CACNA2D1: variants seen among roughly 807,000 people sequenced by gnomAD.
CACNA2D1 encodes the protein calcium voltage-gated channel auxiliary subunit alpha2delta 1, also known as voltage-dependent calcium channel subunit alpha-2/delta-1.
Under a neutral mutation model 171.5 loss-of-function variants are expected in CACNA2D1, and 53 were observed. The observed-to-expected ratio is 0.31, with a 90% CI of 0.25 to 0.39. The LOEUF is 0.39. CACNA2D1 is among the 10% of genes least tolerant of loss of function. The pLI is 1.00. For synonymous variants in CACNA2D1, 442 were observed against 443.1 expected (o/e 1.00, Z 0.03); for missense variants, 903 against 1,299.8 (o/e 0.69, Z 4.69).
At chr7:82,038,669 CTGAA>C (rs1412541605) in intron 10 of CACNA2D1, among the ~76,000 whole-genome samples, 2 of 152,190 alleles carry the variant, frequency 1.3e-5, no homozygotes, top group Admixed American at 6.5e-5. Flanking sequence ...AAGTAATACA[CTGAA>C]TAACATGAAT....
chr7:82,307,406 C>A (rs371032517), intron 3 of CACNA2D1, among the ~76,000 whole-genome samples: 8 of 151,852 alleles, frequency 5.3e-5, no homozygotes, highest in African/African-American at 1.4e-4. Flanking sequence ...ATCCTCCCGC[C>A]TCTGCCTCCC....
intron 1 of CACNA2D1, chr7:82,410,604 G>A: frequency 2.8e-6 from 2 of 713,954 alleles, no homozygotes; most frequent in South Asian, 1.3e-4. Context: ...CCTGTCAAGG[G>A]AGGCAGACTG....
At chr7:81,980,276 G>A (rs1199456927) in intron 24 of CACNA2D1, among the ~76,000 whole-genome samples, 1 of 150,458 alleles carries the variant, frequency 6.6e-6, no homozygotes, top group Non-Finnish European at 1.5e-5. Context: ...TTCCCTGACA[G>A]GGCCATGTAG....
chr7:82,235,827 A>G (rs957523879), intron 3 of CACNA2D1, among the ~76,000 whole-genome samples: 1 of 152,118 alleles, frequency 6.6e-6, no homozygotes, highest in Non-Finnish European at 1.5e-5. Flanking sequence ...ACAGAAGAGG[A>G]CAAGAATGGC....
rs59251549 is a variant in CACNA2D1, at chr7:82,088,649, G to A, written c.527-3749C>T. 8.1e-3 allele frequency among the ~76,000 whole-genome samples: 1,235 copies of A among 151,852 alleles called. 20 individuals carry two copies. Among genetic ancestry groups the A allele is most frequent in the African/African-American group, 0.028 (1,172 of 41,404 alleles). ...AAATTCCAGAATAAATTTTCTTTACGAAAAAACTTAAAATATTTTTGACCG... is the reference window on the plus strand; with the variant it reads ...AAATTCCAGAATAAATTTTCTTTACAAAAAAACTTAAAATATTTTTGACCG... On this transcript the variant is annotated intron_variant, in intron 6 of 38. Transcript: ENST00000356860.
rs778705394 is a variant in CACNA2D1 at position 82,354,000 on chromosome 7, A to G, written c.96-4351T>C. ...CACCAAGCAGACAATAAAGCCTAGGAAGATCACTGTCTGACCTTCTCCCTC... is the reference window on the plus strand; with the variant it reads ...CACCAAGCAGACAATAAAGCCTAGGGAGATCACTGTCTGACCTTCTCCCTC... On this transcript the variant is annotated intron_variant, in intron 1 of 38. Transcript: ENST00000356860. Among the ~76,000 whole-genome samples the G allele has an allele frequency of 2.3e-4, 35 of 152,180 alleles. No individual in the cohort carries two copies. In the Middle Eastern group the frequency reaches 0.01, roughly 44 times the overall value.
At chr7:82,099,381 ATTTTT>A (rs1812344757) in intron 6 of CACNA2D1, among the ~76,000 whole-genome samples, 1 of 121,944 alleles carries the variant, frequency 8.2e-6, no homozygotes, top group Non-Finnish European at 1.7e-5. Context: ...TTCTTTTTCT[ATTTTT>A]AAAATTACAT....
chr7:81,971,221 G>C (rs1258720547), intron 26 of CACNA2D1: 1 of 181,496 alleles, frequency 5.5e-6, no homozygotes, highest in Non-Finnish European at 1.2e-5. Flanking sequence ...TTAGATTCTG[G>C]CCAATATGAG....
chr7:82,001,565 G>A, intron 18 of CACNA2D1: 1 of 368,944 alleles, frequency 2.7e-6, no homozygotes, highest in Admixed American at 3.3e-5. Context: ...AGGAAAGGCA[G>A]CTTTAATTAT....
At chr7:82,167,190 G>T (rs1795542410) in intron 4 of CACNA2D1, among the ~76,000 whole-genome samples, 2 of 151,932 alleles carry the variant, frequency 1.3e-5, no homozygotes, top group Admixed American at 6.6e-5. Flanking sequence ...AAAGATAAAA[G>T]AATTATAAAG....
At chr7:82,095,516 C>T (rs1197730464) in intron 6 of CACNA2D1, among the ~76,000 whole-genome samples, 1 of 152,108 alleles carries the variant, frequency 6.6e-6, no homozygotes, top group Non-Finnish European at 1.5e-5. Flanking sequence ...TATACAATTG[C>T]ACAGACTTCT....
At chr7:82,198,757 C>T (rs370904640) in intron 3 of CACNA2D1, among the ~76,000 whole-genome samples, 3 of 151,394 alleles carry the variant, frequency 2.0e-5, no homozygotes, top group Non-Finnish European at 4.4e-5. Flanking sequence ...CCTAATAAAA[C>T]CTTAATCCTC....
rs188882280 is a variant in CACNA2D1 at position 82,078,235 on chromosome 7, C to T, written c.658+6534G>A. On this transcript the variant is annotated intron_variant, in intron 7 of 38. Coordinates refer to ENST00000356860, the MANE Select transcript of CACNA2D1 (RefSeq NM_000722.4). ...AATAAGACATTAAGTAAACGTCATA[C>T]GGAGATGAAGTAGATTTTTAGTTTT... is the stretch of plus-strand genomic sequence containing the variant. Among the ~76,000 whole-genome samples, 14 of 152,118 alleles carry T rather than the reference C, an allele frequency of 9.2e-5. No individual in the cohort carries two copies. The East Asian group carries it at 2.7e-3, about 29-fold the overall frequency.
At chr7:82,018,082 A>G (rs947706330) in intron 12 of CACNA2D1, among the ~76,000 whole-genome samples, 1 of 152,168 alleles carries the variant, frequency 6.6e-6, no homozygotes. Context: ...TCATCTTTCA[A>G]AATGTTTGCT....
chr7:82,346,045 T>G (rs1819218024), intron 2 of CACNA2D1, among the ~76,000 whole-genome samples: 1 of 152,170 alleles, frequency 6.6e-6, no homozygotes, highest in Non-Finnish European at 1.5e-5. Context: ...ACCACTGGAA[T>G]GTGAGCAAAA....
intron 4 of CACNA2D1, among the ~76,000 whole-genome samples, chr7:82,144,519 C>A (rs2129093867): frequency 6.6e-6 from 1 of 152,008 alleles, no homozygotes; most frequent in Admixed American, 6.6e-5. Flanking sequence ...GGAATAAAAA[C>A]TCAGATGTGT....
intron 3 of CACNA2D1, among the ~76,000 whole-genome samples, chr7:82,306,086 C>G (rs1465092848): frequency 2.0e-5 from 3 of 152,156 alleles, no homozygotes; most frequent in Non-Finnish European, 4.4e-5. Flanking sequence ...ATTGTCTGAT[C>G]CTTTTCCTCC....
intron 3 of CACNA2D1, among the ~76,000 whole-genome samples, chr7:82,200,573 A>G (rs1799305888): frequency 6.6e-6 from 1 of 152,150 alleles, no homozygotes; most frequent in African/African-American, 2.4e-5. Flanking sequence ...AATTTATACC[A>G]TGGTACTCTT....
At chr7:82,322,817 T>C (rs1219556822) in intron 3 of CACNA2D1, among the ~76,000 whole-genome samples, 1 of 152,110 alleles carries the variant, frequency 6.6e-6, no homozygotes, top group Non-Finnish European at 1.5e-5. Flanking sequence ...AGAACACCTG[T>C]GTATATAAAA....
Sources: gnomAD v4.1 joint callset for allele counts (sites outside exome capture counted in the v4.1 genomes callset) on GRCh38, gnomAD v4.1.1 for gene constraint, MANE v1.5 for transcripts, NCBI Gene and HGNC (gene_info 2026-07-23, HGNC 2026-07-21) for gene names.